The following SYT1 variants were observed in gnomAD, a reference collection of about 807,000 sequenced individuals.
SYT1 encodes the protein synaptotagmin-1.
Under a neutral mutation model 44.8 loss-of-function variants are expected in SYT1, and 8 were observed. That is an observed-to-expected ratio of 0.18 (90% confidence interval 0.10 to 0.32). The LOEUF is 0.32. Ranked by LOEUF, SYT1 falls within the 10% of genes least tolerant of loss-of-function variation. The pLI is 1.00. For synonymous variants in SYT1, 154 were observed against 188.8 expected (o/e 0.82, Z 1.51); for missense variants, 286 against 509.3 (o/e 0.56, Z 4.22).
rs1486913371 is a variant in SYT1, at chr12:79,239,583, GTA to G, written c.166+21899_166+21900del. On this transcript the variant is annotated intron_variant, in intron 4 of 10. Coordinates refer to ENST00000261205, the MANE Select transcript of SYT1 (RefSeq NM_005639.3). Reference sequence around the variant, plus strand: ...ATCTCTGTACAGTCTTAACGTTTCTGTAAATCTAAACCTATTCTAAAAAAAGT... The same window carrying G: ...ATCTCTGTACAGTCTTAACGTTTCTGAATCTAAACCTATTCTAAAAAAAGT... 2.0e-5 allele frequency among the ~76,000 whole-genome samples: 3 copies of G among 152,328 alleles called. No individual in the cohort carries two copies. The East Asian group carries it at 5.8e-4, about 29-fold the overall frequency.
At position 79,296,229 on chromosome 12, in the gene SYT1, C is replaced by T; in HGVS notation, c.635C>T (p.Thr212Ile). 5 of 1,611,902 alleles carry T rather than the reference C, an allele frequency of 3.1e-6. No individual in the cohort carries two copies. The highest frequency in any genetic ancestry group is 3.4e-6 in the Non-Finnish European group (4 of 1,179,216). ...TLNPVFNEQF[T>I]FKVPYSELGG... ...AATCCTGTCTTCAATGAGCAATTTA[C>T]TTTCAAGGTATTTGTTAACATTTAT... Residue 212 changes from threonine to isoleucine, a missense_variant, in exon 7 of 11, where the codon ACT becomes ATT. By Grantham distance (89) the Thr-to-Ile change is moderately conservative. Around this residue, in one of 6 missense-constraint regions of SYT1, gnomAD observed 81 missense variants for 164.9 expected, o/e 0.49. Transcript: ENST00000261205.
intron 9 of SYT1, among the ~76,000 whole-genome samples, chr12:79,413,702 C>A (rs1449439474): frequency 6.6e-6 from 1 of 152,086 alleles, no homozygotes; most frequent in African/African-American, 2.4e-5. Flanking sequence ...AGTTTTTAAA[C>A]CTTTCCTCAT....
chr12:78,972,327 A>G (rs1868437071), intron 1 of SYT1, among the ~76,000 whole-genome samples: 1 of 152,066 alleles, frequency 6.6e-6, no homozygotes, highest in Non-Finnish European at 1.5e-5. Flanking sequence ...ACCTAAGGTA[A>G]TGCATCATAA....
At chr12:79,251,921 T>TA (rs1877234158) in intron 4 of SYT1, among the ~76,000 whole-genome samples, 3 of 151,702 alleles carry the variant, frequency 2.0e-5, no homozygotes, top group Admixed American at 2.0e-4. Context: ...AGTTTTATTT[T>TA]TTTTTCCAAT....
At chr12:79,193,792 A>T (rs980178675) in intron 3 of SYT1, among the ~76,000 whole-genome samples, 23 of 152,190 alleles carry the variant, frequency 1.5e-4, no homozygotes, top group African/African-American at 5.3e-4. Context: ...TGAAGCTAAC[A>T]TTAAATATCA....
chr12:79,246,538 AGTGTCT>A (rs200574518), intron 4 of SYT1, among the ~76,000 whole-genome samples: 1,781 of 152,306 alleles, frequency 0.012, 20 homozygotes, highest in South Asian at 0.03. Context: ...CAACAGGTTC[AGTGTCT>A]GGATAGGGGC....
At chr12:79,246,971 T>C (rs1175921919) in intron 4 of SYT1, among the ~76,000 whole-genome samples, 1 of 151,880 alleles carries the variant, frequency 6.6e-6, no homozygotes, top group Non-Finnish European at 1.5e-5. Context: ...TTATTGGGGG[T>C]GTTAGATGGA....
At chr12:79,326,977 C>T (rs1401961811) in intron 8 of SYT1, among the ~76,000 whole-genome samples, 1 of 152,136 alleles carries the variant, frequency 6.6e-6, no homozygotes, top group African/African-American at 2.4e-5. Context: ...CCCTTTTCCA[C>T]TTGAGTTCTA....
At chr12:79,231,209 G>A (rs1002377289) in intron 4 of SYT1, among the ~76,000 whole-genome samples, 2 of 152,200 alleles carry the variant, frequency 1.3e-5, no homozygotes, top group African/African-American at 2.4e-5. Flanking sequence ...TATTTTTAGT[G>A]CTTGGCTTTA....
chr12:78,875,313 C>T (rs992775101), intron 1 of SYT1, among the ~76,000 whole-genome samples: 1 of 151,534 alleles, frequency 6.6e-6, no homozygotes. Context: ...AGACAGGTTT[C>T]CTGCATGTAG....
chr12:79,113,666 C>G (rs986584060), intron 3 of SYT1, among the ~76,000 whole-genome samples: 1 of 152,062 alleles, frequency 6.6e-6, no homozygotes, highest in Non-Finnish European at 1.5e-5. Context: ...AACATATATT[C>G]AGATTCCATG....
intron 1 of SYT1, among the ~76,000 whole-genome samples, chr12:78,944,011 T>C (rs752097394): frequency 1.3e-5 from 2 of 152,144 alleles, no homozygotes. Context: ...AATGATGATA[T>C]CTCATAAACA....
chr12:78,968,672 G>A (rs1868304561), intron 1 of SYT1, among the ~76,000 whole-genome samples: 1 of 152,118 alleles, frequency 6.6e-6, no homozygotes, highest in Admixed American at 6.5e-5. Context: ...TTCCCAATCT[G>A]GGGCATGCAT....
At chr12:78,946,580 G>A (rs140078737) in intron 1 of SYT1, among the ~76,000 whole-genome samples, 2,256 of 151,946 alleles carry the variant, frequency 0.015, 63 homozygotes, top group African/African-American at 0.052. Context: ...ATTTGAACCC[G>A]GGAGGCAGAG....
chr12:79,318,267 C>G (rs969110694), intron 8 of SYT1, among the ~76,000 whole-genome samples: 1 of 152,150 alleles, frequency 6.6e-6, no homozygotes, highest in African/African-American at 2.4e-5. Flanking sequence ...TTAATAGTCA[C>G]CGGGTGACCC....
intron 2 of SYT1, among the ~76,000 whole-genome samples, chr12:78,981,988 G>A (rs1377063859): frequency 6.6e-6 from 1 of 152,144 alleles, no homozygotes; most frequent in East Asian, 1.9e-4. Context: ...GCAAAAAAAG[G>A]AGGTATCTGT....
chr12:78,917,417 C>G (rs1876725070), intron 1 of SYT1, among the ~76,000 whole-genome samples: 1 of 151,856 alleles, frequency 6.6e-6, no homozygotes, highest in South Asian at 2.1e-4. Flanking sequence ...ACAATGAGAG[C>G]ACTTGGACAC....
chr12:79,377,176 A>G lies in SYT1; in HGVS notation c.928+23557A>G, dbSNP rs542222139. 2.2e-3 allele frequency among the ~76,000 whole-genome samples: 334 copies of G among 152,168 alleles called. 1 individual carries two copies. The highest frequency in any genetic ancestry group is 7.6e-3 in the African/African-American group (317 of 41,492). On this transcript the variant is annotated intron_variant, in intron 9 of 10. Transcript: ENST00000261205. ...GCCCAGGCTGGAGTGCAGTGGCGCA[A>G]TCTCAGCTCACTGCAAGCTCTGCCT...
chr12:78,956,720 A>C (rs1255190293), intron 1 of SYT1, among the ~76,000 whole-genome samples: 1 of 152,152 alleles, frequency 6.6e-6, no homozygotes, highest in Non-Finnish European at 1.5e-5. Flanking sequence ...AAGCTTATGG[A>C]AAATGTAGTT....
Sources: allele counts gnomAD v4.1 joint callset (sites outside exome capture counted in the v4.1 genomes callset), GRCh38; gene constraint gnomAD v4.1.1; regional missense constraint gnomAD v4.1.1; transcripts MANE v1.5; gene names NCBI Gene and HGNC (gene_info 2026-07-23, HGNC 2026-07-21).